C4orf36: variants seen among roughly 807,000 people sequenced by gnomAD.
C4orf36 encodes the protein chromosome 4 open reading frame 36.
C4orf36 carries 11 observed loss-of-function variants against 12.2 expected under a neutral mutation model. That is an observed-to-expected ratio of 0.90 (90% CI 0.57 to 1.49). The LOEUF is 1.49. C4orf36 is among the 40% of genes most tolerant of loss of function. The pLI is 0.00. For synonymous variants in C4orf36, 54 were observed against 51.3 expected (o/e 1.05, Z -0.22); for missense variants, 137 against 133.9 (o/e 1.02, Z -0.11).
chr4:86,885,251 T>C (rs1178587920), intron 4 of C4orf36, among the ~76,000 whole-genome samples: 1 of 152,150 alleles, frequency 6.6e-6, no homozygotes, highest in Non-Finnish European at 1.5e-5. Context: ...ATTGGTAGCT[T>C]GATGGGGATG....
the C4orf36 span, chr4:86,914,784 G>T: frequency 2.2e-6 from 1 of 454,494 alleles, no homozygotes; most frequent in Non-Finnish European, 4.3e-6. Context: ...CACGATAGGT[G>T]ATTGGCTCTA....
rs769767369 is a variant in C4orf36 at position 86,888,268 on chromosome 4, G to T, written c.73C>A (p.Pro25Thr). 35 of 1,612,866 alleles carry T rather than the reference G, an allele frequency of 2.2e-5. No individual in the cohort carries two copies. Among genetic ancestry groups the T allele is most frequent in the Non-Finnish European group, 2.6e-5 (31 of 1,179,382 alleles). ...TTTGCAAGCAATGCAATATCCCAAG[G>T]TTCCTGTCTGGGGCAAAAATTCATT... ...LRGSCYNVQE[P>T]WDIALLAKTW... is the part of the protein sequence containing the mutation. Residue 25 changes from proline to threonine, a missense_variant, in exon 3 of 5, where the codon CCT (proline) becomes ACT (threonine). Physicochemically the swap from Pro to Thr is conservative, Grantham distance 38 (BLOSUM62 -1). Transcript: ENST00000295898.
the C4orf36 span, among the ~76,000 whole-genome samples, chr4:86,905,278 G>C: frequency 6.6e-6 from 1 of 151,862 alleles, no homozygotes; most frequent in Admixed American, 6.6e-5. Context: ...TGCTACTCAG[G>C]AAGCTGAGGC....
At chr4:86,935,694 T>A in the C4orf36 span, 2 of 151,684 alleles carry the variant, frequency 1.3e-5, no homozygotes. Flanking sequence ...TCCCTGTGCC[T>A]GTCGTGGAGA....
chr4:86,928,321 G>A, the C4orf36 span, among the ~76,000 whole-genome samples: 1 of 152,232 alleles, frequency 6.6e-6, no homozygotes, highest in Non-Finnish European at 1.5e-5. Flanking sequence ...TGTAGAAGCT[G>A]GGGCTATGGG....
chr4:86,904,078 A>G, the C4orf36 span, among the ~76,000 whole-genome samples: 4 of 152,296 alleles, frequency 2.6e-5, no homozygotes, highest in South Asian at 8.3e-4. Context: ...AAGCCCAGCC[A>G]GCTTCACCTC....
the C4orf36 span, among the ~76,000 whole-genome samples, chr4:86,932,706 C>A: frequency 7.7e-6 from 1 of 130,598 alleles, no homozygotes; most frequent in East Asian, 2.3e-4. Context: ...ATCCCAGGAG[C>A]CCTCATATGA....
chr4:86,919,077 T>A, the C4orf36 span, among the ~76,000 whole-genome samples: 1 of 151,222 alleles, frequency 6.6e-6, no homozygotes, highest in Non-Finnish European at 1.5e-5. Flanking sequence ...AGCCTGGAAT[T>A]CTGATGTCCA....
chr4:86,890,196 AGGGAGGG>A (rs1560473801), intron 2 of C4orf36: 11 of 126,060 alleles, frequency 8.7e-5, no homozygotes, highest in Middle Eastern at 2.7e-3. Flanking sequence ...GGAGGGAGGG[AGGGAGGG>A]AGGGAGGAAG....
the C4orf36 span, among the ~76,000 whole-genome samples, chr4:86,917,413 A>AAG: frequency 1.4e-5 from 2 of 147,220 alleles, no homozygotes; most frequent in African/African-American, 2.5e-5. Flanking sequence ...GAAAGAGAGG[A>AAG]AGAGAGAGAG....
chr4:86,886,964 G>A (rs1406489251), intron 4 of C4orf36: 2 of 152,120 alleles, frequency 1.3e-5, no homozygotes, highest in East Asian at 3.8e-4. Flanking sequence ...TCCTTTGTAG[G>A]GACATGGGTG....
At chr4:86,908,644 ACTCT>A in the C4orf36 span, among the ~76,000 whole-genome samples, 1 of 106,408 alleles carries the variant, frequency 9.4e-6, no homozygotes, top group Non-Finnish European at 1.9e-5. Context: ...CCTCAACCTT[ACTCT>A]CTCTCTCTCC....
the C4orf36 span, chr4:86,914,295 C>A: frequency 6.4e-7 from 1 of 1,573,766 alleles, no homozygotes; most frequent in Non-Finnish European, 8.7e-7. Context: ...AGTGACGATG[C>A]GGTCGCTCTT....
At chr4:86,904,294 C>T in the C4orf36 span, among the ~76,000 whole-genome samples, 2 of 152,250 alleles carry the variant, frequency 1.3e-5, no homozygotes, top group Admixed American at 1.3e-4. Flanking sequence ...CGTTTCTCTT[C>T]ACACTTCCCC....
intron 2 of C4orf36, among the ~76,000 whole-genome samples, chr4:86,889,286 G>T (rs1427706516): frequency 6.6e-6 from 1 of 151,202 alleles, no homozygotes; most frequent in East Asian, 1.9e-4. Context: ...GAGAGGCGGA[G>T]GTTGCAGTGA....
At chr4:86,914,035 T>C in the C4orf36 span, 1 of 1,609,828 alleles carries the variant, frequency 6.2e-7, no homozygotes, top group African/African-American at 1.3e-5. Context: ...AAAACGTCGT[T>C]GGGATGGCAA....
the C4orf36 span, chr4:86,914,899 G>GC: frequency 3.0e-6 from 1 of 328,348 alleles, no homozygotes; most frequent in Non-Finnish European, 5.7e-6. Flanking sequence ...TGGACTCTGG[G>GC]CAGTCAATGC....
chr4:86,915,133 C>G, the C4orf36 span, among the ~76,000 whole-genome samples: 1 of 152,250 alleles, frequency 6.6e-6, no homozygotes, highest in East Asian at 1.9e-4. Context: ...ACTAGGCCAC[C>G]GTAGGCTCGT....
At chr4:86,905,698 G>C in the C4orf36 span, among the ~76,000 whole-genome samples, 2 of 150,912 alleles carry the variant, frequency 1.3e-5, no homozygotes, top group African/African-American at 4.9e-5. Flanking sequence ...CACCACTTAG[G>C]CTTCTGAGGT....
Sources: allele counts gnomAD v4.1 joint callset (sites outside exome capture counted in the v4.1 genomes callset), GRCh38; gene constraint gnomAD v4.1.1; transcripts MANE v1.5; gene names NCBI Gene and HGNC (gene_info 2026-07-23, HGNC 2026-07-21).